Variants in CNOT2 observed in about 807,000 individuals in gnomAD.
CNOT2 encodes CC chemokine receptor 4-negative regulator of transcription 2.
Under a neutral mutation model 72.1 loss-of-function variants are expected in CNOT2, and 7 were observed. The observed-to-expected ratio is 0.10, with a 90% CI of 0.06 to 0.18. CNOT2 has a LOEUF of 0.18. Ranked by LOEUF, CNOT2 falls within the 10% of genes least tolerant of loss-of-function variation. CNOT2 has a pLI of 1.00. For synonymous variants in CNOT2, 196 were observed against 225.6 expected (o/e 0.87, Z 1.17); for missense variants, 345 against 660.3 (o/e 0.52, Z 5.23).
intron 2 of CNOT2, among the ~76,000 whole-genome samples, chr12:70,281,685 C>T (rs191955910): frequency 1.6e-3 from 247 of 152,254 alleles, no homozygotes; most frequent in Non-Finnish European, 2.4e-3. Flanking sequence ...GTTCCTTTCC[C>T]TTTCTTTCAT....
chr12:70,243,885 T>C (rs1270919515), intron 1 of CNOT2: 1 of 152,122 alleles, frequency 6.6e-6, no homozygotes, highest in Non-Finnish European at 1.5e-5. Context: ...CCGCGCTGCT[T>C]CCTGGGGGAG....
At chr12:70,244,269 A>G (rs1436333201) in intron 1 of CNOT2, 1 of 152,210 alleles carries the variant, frequency 6.6e-6, no homozygotes, top group Non-Finnish European at 1.5e-5. Context: ...CTGTCTGTGA[A>G]GTTGCAAGTC....
chr12:70,272,509 G>C (rs1868262441), intron 1 of CNOT2, among the ~76,000 whole-genome samples: 1 of 152,310 alleles, frequency 6.6e-6, no homozygotes, highest in East Asian at 1.9e-4. Flanking sequence ...TACTTACTGA[G>C]ATATTCTCAC....
intron 2 of CNOT2, among the ~76,000 whole-genome samples, chr12:70,305,610 A>AT (rs1157687884): frequency 1.3e-5 from 2 of 152,216 alleles, no homozygotes; most frequent in Non-Finnish European, 2.9e-5. Flanking sequence ...TTAAAGTGAC[A>AT]TTTTTCAGAG....
chr12:70,330,992 C>CAAAAAAACGGGT (rs1879852060), intron 6 of CNOT2: 1 of 152,058 alleles, frequency 6.6e-6, no homozygotes, highest in African/African-American at 2.4e-5. Flanking sequence ...TACTTTTTCA[C>CAAAAAAACGGGT]TTCTCTTTGT....
At chr12:70,339,640 G>C (rs1400537878) in intron 11 of CNOT2, among the ~76,000 whole-genome samples, 1 of 152,104 alleles carries the variant, frequency 6.6e-6, no homozygotes, top group Non-Finnish European at 1.5e-5. Flanking sequence ...AGCCTCAAAA[G>C]TAGGCTCTTA....
At chr12:70,326,647 C>A (rs936165774) in intron 4 of CNOT2, among the ~76,000 whole-genome samples, 13 of 151,598 alleles carry the variant, frequency 8.6e-5, no homozygotes, top group Non-Finnish European at 1.9e-4. Flanking sequence ...AAAAACAAAT[C>A]TTTATATATA....
At chr12:70,278,545 TG>T (rs1281582767) in intron 2 of CNOT2, 1 of 352,944 alleles carries the variant, frequency 2.8e-6, no homozygotes, top group Non-Finnish European at 5.1e-6. Context: ...ATACAAGTTA[TG>T]ACTTCATGAC....
chr12:70,316,299 A>G (rs1242466339), intron 3 of CNOT2, among the ~76,000 whole-genome samples: 1 of 152,200 alleles, frequency 6.6e-6, no homozygotes, highest in Non-Finnish European at 1.5e-5. Context: ...TTTAAAAAAT[A>G]TATACATTTT....
At chr12:70,262,825 C>T (rs1958844378) in intron 1 of CNOT2, among the ~76,000 whole-genome samples, 1 of 152,076 alleles carries the variant, frequency 6.6e-6, no homozygotes, top group African/African-American at 2.4e-5. Flanking sequence ...AGGCGCCTGC[C>T]ACCACACCTG....
intron 2 of CNOT2, chr12:70,294,006 A>T: frequency 1.5e-6 from 1 of 645,774 alleles, no homozygotes; most frequent in Non-Finnish European, 2.5e-6. Flanking sequence ...AGAGGTGAAC[A>T]GGGAGTCATA....
intron 3 of CNOT2, among the ~76,000 whole-genome samples, chr12:70,316,218 G>C (rs923285818): frequency 2.6e-5 from 4 of 152,082 alleles, no homozygotes; most frequent in Non-Finnish European, 4.4e-5. Flanking sequence ...ATCCCCTACT[G>C]TAATGTGTTT....
intron 2 of CNOT2, among the ~76,000 whole-genome samples, chr12:70,302,868 A>T (rs1179709581): frequency 7.3e-5 from 11 of 151,704 alleles, no homozygotes; most frequent in Admixed American, 5.9e-4. Context: ...TTTGTAGGTC[A>T]CTAAGGACTT....
intron 2 of CNOT2, among the ~76,000 whole-genome samples, chr12:70,309,104 T>C (rs1480170665): frequency 1.3e-5 from 2 of 152,110 alleles, no homozygotes; most frequent in South Asian, 2.1e-4. Flanking sequence ...CTAAGAAACA[T>C]CTGTTTTCCC....
At chr12:70,344,061 T>C (rs1239862305) in intron 13 of CNOT2, 67 bp from the exon 14 acceptor site, 1 of 1,019,298 alleles carries the variant, frequency 9.8e-7, no homozygotes. Flanking sequence ...TCTTTAGTAG[T>C]AGCAACTATA....
intron 4 of CNOT2, among the ~76,000 whole-genome samples, chr12:70,326,201 T>G (rs1202137706): frequency 6.6e-6 from 1 of 151,830 alleles, no homozygotes; most frequent in Non-Finnish European, 1.5e-5. Flanking sequence ...GACTCAAAAT[T>G]ATAACCTTTT....
At chr12:70,349,347 C>T (rs990377454) in intron 15 of CNOT2, among the ~76,000 whole-genome samples, 10 of 152,078 alleles carry the variant, frequency 6.6e-5, no homozygotes, top group African/African-American at 1.7e-4. Context: ...AGTGGGTGTG[C>T]CTTACTATTC....
At chr12:70,345,807 A>G (rs1224688395) in intron 14 of CNOT2, 6 of 159,730 alleles carry the variant, frequency 3.8e-5, no homozygotes, top group Admixed American at 1.3e-4. Context: ...AGATACCTCA[A>G]TTTCTTTTGA....
chr12:70,280,355 G>T (rs921073596), intron 2 of CNOT2, among the ~76,000 whole-genome samples: 2 of 152,096 alleles, frequency 1.3e-5, no homozygotes, highest in African/African-American at 2.4e-5. Context: ...GCAGAGTAGG[G>T]TGACTATAAT....
Sources: gnomAD v4.1 joint callset for allele counts (sites outside exome capture counted in the v4.1 genomes callset) on GRCh38, gnomAD v4.1.1 for gene constraint, MANE v1.5 for transcripts, NCBI Gene and HGNC (gene_info 2026-07-23, HGNC 2026-07-21) for gene names.